ACMSD: variants seen among roughly 807,000 people sequenced by gnomAD.
ACMSD encodes the protein aminocarboxymuconate semialdehyde decarboxylase, also known as 2-amino-3-carboxymuconate-6-semialdehyde decarboxylase.
ACMSD carries 37 observed loss-of-function variants against 45.9 expected under a neutral mutation model. The observed-to-expected ratio is 0.81, with a 90% CI of 0.62 to 1.06. ACMSD has a LOEUF of 1.06. ACMSD is among the 50% of genes least tolerant of loss of function. The probability of loss-of-function intolerance (pLI) is 0.00; values close to 1 mark genes in which losing one functional copy is unlikely to be tolerated. For missense variants in ACMSD, 434 were observed against 420.9 expected, an observed-to-expected ratio of 1.03 and a Z score of -0.27; for synonymous variants, 138 against 148.8, an observed-to-expected ratio of 0.93 and a Z score of 0.53.
intron 8 of ACMSD, among the ~76,000 whole-genome samples, chr2:134,885,806 G>A (rs1391629704): frequency 6.6e-6 from 1 of 152,074 alleles, no homozygotes; most frequent in African/African-American, 2.4e-5. Context: ...AGTCGAGTGG[G>A]TTTCCCGAGA....
chr2:134,861,532 G>T (rs1016543433), intron 3 of ACMSD, among the ~76,000 whole-genome samples: 3 of 152,250 alleles, frequency 2.0e-5, no homozygotes, highest in Admixed American at 2.0e-4. Context: ...TGGCATCCTG[G>T]ATGCTGGAGT....
At position 134,864,044 on chromosome 2, in the gene ACMSD, G is replaced by A. The variant is rs904504554; in HGVS notation, c.486+413G>A. On this transcript the variant is annotated intron_variant, in intron 5 of 9. Coordinates refer to ENST00000356140, the MANE Select transcript of ACMSD (RefSeq NM_138326.3). ...AGCACTTCGGGAGGCCCAGGTGGGC[G>A]GATCACTTGAGGCCAGAAGTTCGAG... 3.0e-4 allele frequency among the ~76,000 whole-genome samples: 45 copies of A among 151,978 alleles called. 1 individual carries two copies. The highest frequency in any genetic ancestry group is 2.8e-3 in the Admixed American group (43 of 15,260).
rs750836076 is a variant in ACMSD, at chr2:134,898,427, T to A, written c.936T>A (p.Asp312Glu). 1.9e-6 allele frequency: 3 copies of A among 1,595,394 alleles called. No individual in the cohort carries two copies. In the Admixed American group the frequency reaches 5.3e-5, roughly 28 times the overall value. The change falls in exon 9 of 10, where the codon GAT (aspartate) becomes GAA (glutamate). Residue 312 changes from aspartate (D) to glutamate (E), a missense_variant. By Grantham distance (45) the Asp-to-Glu change is conservative. Coordinates refer to ENST00000356140, the MANE Select transcript of ACMSD (RefSeq NM_138326.3). ...GKLIESMEEF[D>E]EETKNKLKAG... is the part of the protein sequence containing the mutation. ...TAATAGAGTCCATGGAAGAATTTGATGAAGAAACAAAGGTATAATGTCTTT... is the reference window on the plus strand; with the variant it reads ...TAATAGAGTCCATGGAAGAATTTGAAGAAGAAACAAAGGTATAATGTCTTT...
intron 3 of ACMSD, among the ~76,000 whole-genome samples, chr2:134,861,437 C>G (rs1283561768): frequency 6.6e-6 from 1 of 152,160 alleles, no homozygotes; most frequent in Non-Finnish European, 1.5e-5. Flanking sequence ...GTGCCAGGCA[C>G]TATTCTAAGA....
chr2:134,882,496 T>C (rs186139445), intron 8 of ACMSD, among the ~76,000 whole-genome samples: 123 of 152,354 alleles, frequency 8.1e-4, no homozygotes, highest in African/African-American at 2.8e-3. Context: ...AGATTTTCAT[T>C]ACCTACTCCA....
chr2:134,843,075 T>C (rs1177252871), intron 1 of ACMSD, among the ~76,000 whole-genome samples: 1 of 152,246 alleles, frequency 6.6e-6, no homozygotes, highest in Non-Finnish European at 1.5e-5. Context: ...AAATTTCTAA[T>C]TTAAGAGCAC....
intron 2 of ACMSD, among the ~76,000 whole-genome samples, chr2:134,849,156 G>A (rs977137929): frequency 6.6e-6 from 1 of 151,832 alleles, no homozygotes; most frequent in Non-Finnish European, 1.5e-5. Flanking sequence ...TCCTTCAATA[G>A]TGGATTTGAA....
At chr2:134,861,898 G>C in intron 3 of ACMSD, 71 bp from the exon 4 acceptor site, 1 of 1,562,942 alleles carries the variant, frequency 6.4e-7, no homozygotes, top group East Asian at 2.2e-5. Context: ...CTGCCGCTTG[G>C]CCTTGGGAAA....
chr2:134,882,173 C>T (rs2104916283), intron 8 of ACMSD, among the ~76,000 whole-genome samples: 1 of 152,274 alleles, frequency 6.6e-6, no homozygotes, highest in South Asian at 2.1e-4. Context: ...CCTAACTTGA[C>T]ATTTAAATTT....
At chr2:134,875,825 A>G (rs2104897929) in intron 8 of ACMSD, among the ~76,000 whole-genome samples, 1 of 152,294 alleles carries the variant, frequency 6.6e-6, no homozygotes, top group African/African-American at 2.4e-5. Context: ...ATCACTTAAC[A>G]GTGGAGATAT....
chr2:134,843,340 A>G (rs776321936), intron 1 of ACMSD, among the ~76,000 whole-genome samples: 3 of 152,186 alleles, frequency 2.0e-5, no homozygotes, highest in African/African-American at 4.8e-5. Context: ...GAAACAGAAG[A>G]TAGATTTCTA....
intron 2 of ACMSD, among the ~76,000 whole-genome samples, chr2:134,848,724 T>C (rs1293775102): frequency 6.6e-6 from 1 of 152,222 alleles, no homozygotes; most frequent in African/African-American, 2.4e-5. Context: ...ATTCTGTGGG[T>C]TGCTGTTCAC....
intron 6 of ACMSD, among the ~76,000 whole-genome samples, chr2:134,870,706 C>T (rs1173930577): frequency 6.6e-6 from 1 of 152,132 alleles, no homozygotes; most frequent in Non-Finnish European, 1.5e-5. Flanking sequence ...AAACTGAAGT[C>T]GGGGGAATTA....
At chr2:134,847,780 A>G (rs1284098536) in intron 2 of ACMSD, among the ~76,000 whole-genome samples, 1 of 152,006 alleles carries the variant, frequency 6.6e-6, no homozygotes, top group Non-Finnish European at 1.5e-5. Context: ...CCTGCAAAGG[A>G]CATGAACTCA....
chr2:134,850,949 T>G (rs1687313517), intron 2 of ACMSD, among the ~76,000 whole-genome samples: 1 of 152,210 alleles, frequency 6.6e-6, no homozygotes, highest in South Asian at 2.1e-4. Flanking sequence ...GTCTCCTCCC[T>G]CCTGGCCCCC....
chr2:134,863,442 C>A lies in ACMSD; in HGVS notation c.297C>A (p.Asp99Glu). 6.2e-7 allele frequency: 1 copy of A among 1,614,244 alleles called. No homozygotes were observed. The highest frequency in any genetic ancestry group is 8.5e-7 in the Non-Finnish European group (1 of 1,180,042). ...TLNLCQLLNN[D>E]LASTVVSYPR... is the part of the protein sequence containing the mutation. ...ACCTGTGCCAGCTTTTAAACAACGACCTTGCCAGCACCGTTGTGAGCTACC... is the reference window on the plus strand; with the variant it reads ...ACCTGTGCCAGCTTTTAAACAACGAACTTGCCAGCACCGTTGTGAGCTACC... The change falls in exon 5 of 10, where the codon GAC becomes GAA. Residue 99 changes from aspartate to glutamate, a missense_variant. By Grantham distance (45) the Asp-to-Glu change is conservative. Coordinates refer to ENST00000356140, the MANE Select transcript of ACMSD (RefSeq NM_138326.3).
rs1182694145 is a variant in ACMSD, at chr2:134,863,476, T to C, written c.331T>C (p.Phe111Leu). ...CACCGTTGTGAGCTACCCCAGGAGG[T>C]TCGTGGGTCTGGGGACGTTGCCCAT... ...ASTVVSYPRR[F>L]VGLGTLPMQA... is the part of the protein sequence containing the mutation. The change falls in exon 5 of 10, where the codon TTC becomes CTC. Residue 111 changes from phenylalanine (F) to leucine (L), a missense_variant. Transcript: ENST00000356140. 1 of 1,614,174 alleles carries C rather than the reference T, an allele frequency of 6.2e-7. No homozygotes were observed. The highest frequency in any genetic ancestry group is 8.5e-7 in the Non-Finnish European group (1 of 1,180,030).
In ACMSD at chr2:134,894,348, C is replaced by T. The variant is rs1462341900; in HGVS notation, c.850-3993C>T. Among the ~76,000 whole-genome samples the T allele has an allele frequency of 6.6e-5, 10 of 152,004 alleles. 1 individual carries two copies. Among genetic ancestry groups the T allele is most frequent in the Admixed American group, 6.6e-4 (10 of 15,260 alleles). On this transcript the variant is annotated intron_variant, in intron 8 of 9. Coordinates refer to ENST00000356140, the MANE Select transcript of ACMSD (RefSeq NM_138326.3). ...GAATTATAAGTAAAAATTTGAGCAACTATATGACAACAAATGAAATAACCT... is the reference window on the plus strand; with the variant it reads ...GAATTATAAGTAAAAATTTGAGCAATTATATGACAACAAATGAAATAACCT...
intron 8 of ACMSD, among the ~76,000 whole-genome samples, chr2:134,879,698 A>G (rs1025654179): frequency 3.9e-5 from 6 of 152,160 alleles, no homozygotes; most frequent in Non-Finnish European, 8.8e-5. Flanking sequence ...TTTTATTTAC[A>G]TGCTACTTAC....
Sources: allele counts gnomAD v4.1 joint callset (sites outside exome capture counted in the v4.1 genomes callset), GRCh38; gene constraint gnomAD v4.1.1; transcripts MANE v1.5; gene names NCBI Gene and HGNC (gene_info 2026-07-23, HGNC 2026-07-21).